NIN: variants seen among roughly 807,000 people sequenced by gnomAD.
NIN encodes the protein glycogen synthase kinase 3 beta-interacting protein.
NIN carries 137 observed loss-of-function variants against 257.6 expected under a neutral mutation model. The ratio of observed to expected loss-of-function variants is 0.53; its 90% CI spans 0.46 to 0.61. NIN has a LOEUF of 0.61. NIN is among the 20% of genes least tolerant of loss of function. The pLI is 0.00. For synonymous variants in NIN, 918 were observed against 919.8 expected (o/e 1.00, Z 0.04); for missense variants, 2,439 against 2,501.2 (o/e 0.98, Z 0.53).
At position 50,754,878 on chromosome 14, in the gene NIN, G is replaced by C. The variant is rs748453420; in HGVS notation, c.4539-11C>G. On this transcript the variant is annotated splice_polypyrimidine_tract_variant and intron_variant, in intron 18 of 30. Transcript: ENST00000530997. ...TTTTCAGATTCATATCTGAAGCACAGAGATTGAAAAAAATTGTTACAAGGC... is the reference window on the plus strand; with the variant it reads ...TTTTCAGATTCATATCTGAAGCACACAGATTGAAAAAAATTGTTACAAGGC... The C allele has an allele frequency of 2.1e-5, 32 of 1,537,626 alleles. No homozygotes were observed. Among genetic ancestry groups the C allele is most frequent in the African/African-American group, 2.8e-5 (2 of 71,464 alleles).
chr14:50,756,958 C>A lies in NIN; in HGVS notation c.4072G>T (p.Glu1358Ter), dbSNP rs760381596. 6.2e-7 allele frequency: 1 copy of A among 1,604,006 alleles called. No individual in the cohort carries two copies. Among genetic ancestry groups the A allele is most frequent in the Admixed American group, 1.7e-5 (1 of 58,058 alleles). The change falls in exon 18 of 31, where the codon GAA becomes TAA. Residue 1358 changes from glutamate (E) to a stop codon, truncating the protein, a stop_gained. Coordinates refer to ENST00000530997, the MANE Select transcript of NIN (RefSeq NM_020921.4). LOFTEE classifies it high-confidence loss of function. ...AGCTGGAGTATATTTCCATCAGGTTCGATTTCCAGGTTCTCTAAACTGGCT... is the reference window on the plus strand; with the variant it reads ...AGCTGGAGTATATTTCCATCAGGTTAGATTTCCAGGTTCTCTAAACTGGCT... ...WEASLENLEIEPDGNILQLNQ... is the reference protein window; with the variant it reads ...WEASLENLEI
chr14:50,767,256 T>G (rs1259520876), intron 12 of NIN, among the ~76,000 whole-genome samples: 1 of 152,234 alleles, frequency 6.6e-6, no homozygotes, highest in Non-Finnish European at 1.5e-5. Context: ...TTTTGTATAC[T>G]GATAATGTGT....
intron 21 of NIN, among the ~76,000 whole-genome samples, chr14:50,751,818 C>T (rs1432054165): frequency 6.6e-6 from 1 of 152,284 alleles, no homozygotes. Context: ...TGAGACACCA[C>T]GCCTGGCCCA....
intron 2 of NIN, chr14:50,823,160 T>C: frequency 1.9e-6 from 1 of 535,120 alleles, no homozygotes; most frequent in East Asian, 4.2e-5. Context: ...TCTGTGGTTT[T>C]TTTTTTTTCC....
At chr14:50,770,315 A>G (rs2042677908) in intron 12 of NIN, 73 bp downstream of exon 12, 2 of 1,457,820 alleles carry the variant, frequency 1.4e-6, no homozygotes, top group South Asian at 1.3e-5. Context: ...AAACATGCCC[A>G]CTTCCAAAGC....
chr14:50,772,557 G>A, intron 8 of NIN, 89 bp from the exon 9 acceptor site: 1 of 1,159,194 alleles, frequency 8.6e-7, no homozygotes, highest in Admixed American at 1.9e-5. Flanking sequence ...ATGGGTAGAA[G>A]GCATGTTTCT....
At chr14:50,746,747 CAAT>C (rs1175193006) in intron 22 of NIN, among the ~76,000 whole-genome samples, 23 of 152,164 alleles carry the variant, frequency 1.5e-4, no homozygotes, top group Non-Finnish European at 1.0e-4. Flanking sequence ...GAAAACAGGA[CAAT>C]GTTTAGGATG....
chr14:50,742,376 T>C (rs1323521595), intron 24 of NIN: 2 of 149,600 alleles, frequency 1.3e-5, no homozygotes. Flanking sequence ...CAGCCTGGGA[T>C]ACAAAGAAAC....
Position 50,726,074 on chromosome 14 carries a change from G to T in NIN, c.6079-8C>A. The T allele has an allele frequency of 6.2e-7, 1 of 1,601,972 alleles. No homozygotes were observed. Among genetic ancestry groups the T allele is most frequent in the Non-Finnish European group, 8.5e-7 (1 of 1,170,092 alleles). On this transcript the variant is annotated splice_polypyrimidine_tract_variant and splice_region_variant and intron_variant, in intron 29 of 30. Coordinates refer to ENST00000530997, the MANE Select transcript of NIN (RefSeq NM_020921.4). ...CAGTTGTTCCTGGTTTCCCTGAAGG[G>T]AAGAAAAGTATATTATTCGAAAATC...
intron 8 of NIN, 80 bp downstream of exon 8, chr14:50,772,869 C>T (rs1414890793): frequency 1.6e-6 from 2 of 1,222,534 alleles, no homozygotes; most frequent in Admixed American, 2.3e-5. Flanking sequence ...TTGCTTCAGA[C>T]AACAGATTAA....
At chr14:50,809,463 T>C (rs1010630327) in intron 3 of NIN, among the ~76,000 whole-genome samples, 7 of 152,128 alleles carry the variant, frequency 4.6e-5, no homozygotes, top group Admixed American at 1.3e-4. Context: ...GGGGACTGAA[T>C]GAAACGTAAG....
chr14:50,771,190 T>C lies in NIN; in HGVS notation c.1118+142A>G. On this transcript the variant is annotated intron_variant, in intron 10 of 30. Coordinates refer to ENST00000530997, the MANE Select transcript of NIN (RefSeq NM_020921.4). ...AGTTCTCCTTAATTTTCCTATACTT[T>C]AAGGAAGATGTGTGCAGCAGTTGGA... 3.4e-6 allele frequency: 4 copies of C among 1,183,028 alleles called. No individual in the cohort carries two copies. In the South Asian group the frequency reaches 4.8e-5, roughly 14 times the overall value. 73.3% of individuals were successfully genotyped at this position (1,183,028 alleles called of 1,614,324 possible).
chr14:50,772,176 T>C (rs2042762703), intron 9 of NIN, 125 bp downstream of exon 9: 1 of 919,810 alleles, frequency 1.1e-6, no homozygotes, highest in Non-Finnish European at 1.6e-6. Flanking sequence ...CTTTTATCTT[T>C]GAGACTTTGT....
intron 27 of NIN, among the ~76,000 whole-genome samples, chr14:50,736,718 G>A (rs1435398038): frequency 6.6e-6 from 1 of 152,138 alleles, no homozygotes; most frequent in Non-Finnish European, 1.5e-5. Flanking sequence ...GAATGTACCT[G>A]AAATTAAATG....
intron 9 of NIN, 49 bp downstream of exon 9, chr14:50,772,252 T>C: frequency 6.6e-7 from 1 of 1,507,308 alleles, no homozygotes; most frequent in Non-Finnish European, 9.0e-7. Context: ...AATTGAAAAT[T>C]TTCAACCCTT....
chr14:50,777,354 A>C (rs2042962717), intron 6 of NIN, among the ~76,000 whole-genome samples: 1 of 152,220 alleles, frequency 6.6e-6, no homozygotes, highest in Non-Finnish European at 1.5e-5. Context: ...GCTCCCTGAC[A>C]GTCATACCGG....
intron 28 of NIN, among the ~76,000 whole-genome samples, chr14:50,733,848 A>C (rs2040839274): frequency 6.6e-6 from 1 of 152,230 alleles, no homozygotes; most frequent in East Asian, 1.9e-4. Context: ...TGCTGTTAAA[A>C]AAAGAAAAAA....
intron 21 of NIN, among the ~76,000 whole-genome samples, chr14:50,751,004 A>G (rs1216010538): frequency 6.6e-6 from 1 of 152,198 alleles, no homozygotes; most frequent in Non-Finnish European, 1.5e-5. Context: ...TACACACACA[A>G]AGGCATTCTA....
At position 50,738,284 on chromosome 14, in the gene NIN, G is replaced by A. The variant is rs1324633513; in HGVS notation, c.5631C>T (p.Val1877=). ...KAELTHSREK[V]RQLESNLLPK... is the part of the protein sequence containing the mutation. ...GAAGAAGATTGGATTCCAACTGACGGACCTAACAGGAACAAATGTAAGAGG... is the reference window on the plus strand; with the variant it reads ...GAAGAAGATTGGATTCCAACTGACGAACCTAACAGGAACAAATGTAAGAGG... Residue 1877 remains valine (V), a splice_region_variant and synonymous_variant, in exon 27 of 31, where the codon GTC becomes GTT. Coordinates refer to ENST00000530997, the MANE Select transcript of NIN (RefSeq NM_020921.4). 6.2e-6 allele frequency: 10 copies of A among 1,612,046 alleles called. No homozygotes were observed. Among genetic ancestry groups the A allele is most frequent in the Non-Finnish European group, 6.8e-6 (8 of 1,179,248 alleles).
Sources: allele counts gnomAD v4.1 joint callset (sites outside exome capture counted in the v4.1 genomes callset), GRCh38; gene constraint gnomAD v4.1.1; transcripts MANE v1.5; gene names NCBI Gene and HGNC (gene_info 2026-07-23, HGNC 2026-07-21).